PPM1E: variants seen among roughly 807,000 people sequenced by gnomAD.
The protein encoded by PPM1E is protein phosphatase 1E.
A neutral mutation model predicts 65.9 loss-of-function variants in PPM1E; 20 were observed. The ratio of observed to expected loss-of-function variants is 0.30; its 90% confidence interval spans 0.21 to 0.44. The LOEUF (loss-of-function observed/expected upper bound fraction) is 0.44. Ranked by LOEUF, PPM1E falls within the 20% of genes least tolerant of loss-of-function variation. The pLI, the probability that PPM1E is intolerant of heterozygous loss-of-function variation, is 1.00. For missense variants in PPM1E, 713 were observed against 953.1 expected (o/e 0.75, Z 3.32); for synonymous variants, 352 against 374.9 (o/e 0.94, Z 0.70).
chr17:58,850,016 C>T (rs937804404), intron 1 of PPM1E, among the ~76,000 whole-genome samples: 1 of 152,044 alleles, frequency 6.6e-6, no homozygotes, highest in Non-Finnish European at 1.5e-5. Context: ...TTGAATTGAT[C>T]CCTTTACCAT....
intron 1 of PPM1E, among the ~76,000 whole-genome samples, chr17:58,840,393 G>A (rs1436862387): frequency 6.6e-6 from 1 of 152,214 alleles, no homozygotes; most frequent in East Asian, 1.9e-4. Context: ...GGTTAACAAG[G>A]ACCTACTTTT....
chr17:58,763,749 C>T (rs2049846234), intron 1 of PPM1E, among the ~76,000 whole-genome samples: 1 of 151,986 alleles, frequency 6.6e-6, no homozygotes, highest in African/African-American at 2.4e-5. Context: ...ACTGCCATAC[C>T]GTGAAGCTTG....
At chr17:58,977,105 A>T (rs1012441643) in intron 6 of PPM1E, among the ~76,000 whole-genome samples, 1 of 152,170 alleles carries the variant, frequency 6.6e-6, no homozygotes, top group African/African-American at 2.4e-5. Context: ...GAAGTTGATT[A>T]AATCAAAAGC....
Position 58,981,394 on chromosome 17 carries a change from A to G in PPM1E, c.*363A>G, listed in dbSNP as rs1481878191. 5.7e-6 allele frequency: 1 copy of G among 174,080 alleles called. No individual in the cohort carries two copies. Among genetic ancestry groups the G allele is most frequent in the Non-Finnish European group, 1.2e-5 (1 of 82,596 alleles). 10.8% of individuals were successfully genotyped at this position (174,080 alleles called of 1,614,324 possible). A position where few individuals can be genotyped will look rare whatever the true frequency, so the allele number is the denominator to read the frequency against. ...TTCAGTCAGGATATACAGTGTTGAA[A>G]TCTCAATGCAGTTGAAATCTGGTCT... On this transcript the variant is annotated 3_prime_UTR_variant, in exon 7 of 7. Coordinates refer to ENST00000308249, the MANE Select transcript of PPM1E (RefSeq NM_014906.5).
chr17:58,973,286 G>A (rs375204616), intron 6 of PPM1E, among the ~76,000 whole-genome samples: 17 of 151,862 alleles, frequency 1.1e-4, no homozygotes, highest in Non-Finnish European at 2.1e-4. Context: ...GCGTGGTGGC[G>A]GGCGCCTGTA....
In PPM1E at chr17:58,774,167, C is replaced by G. The variant is rs189236862; in HGVS notation, c.464+17706C>G. On this transcript the variant is annotated intron_variant, in intron 1 of 6. Transcript: ENST00000308249. ...ACAAGAGGGAAACTCTGTCCCCCCC[C>G]CCCAAAAAAAACATTATAGGTAATT... Among the ~76,000 whole-genome samples the G allele has an allele frequency of 1.1e-4, 16 of 151,170 alleles. No homozygotes were observed. In the South Asian group the frequency reaches 2.7e-3, roughly 26 times the overall value.
intron 1 of PPM1E, among the ~76,000 whole-genome samples, chr17:58,760,608 A>AT (rs961015277): frequency 1.3e-5 from 2 of 152,118 alleles, no homozygotes; most frequent in Non-Finnish European, 2.9e-5. Flanking sequence ...CTGCTTAAAC[A>AT]TTTTTACCCT....
At chr17:58,914,073 C>T (rs2051658446) in intron 1 of PPM1E, among the ~76,000 whole-genome samples, 1 of 152,162 alleles carries the variant, frequency 6.6e-6, no homozygotes, top group Non-Finnish European at 1.5e-5. Flanking sequence ...AGGTTAAAAG[C>T]AAGATGGAGT....
intron 6 of PPM1E, among the ~76,000 whole-genome samples, chr17:58,974,196 G>T (rs979674704): frequency 6.6e-6 from 1 of 152,138 alleles, no homozygotes; most frequent in Non-Finnish European, 1.5e-5. Flanking sequence ...GTATTTTTCA[G>T]AGAATGGAAG....
At chr17:58,810,995 T>C (rs1057048740) in intron 1 of PPM1E, among the ~76,000 whole-genome samples, 6 of 151,998 alleles carry the variant, frequency 3.9e-5, no homozygotes, top group African/African-American at 1.2e-4. Flanking sequence ...GTAGGTGGGA[T>C]TACAGGCACG....
chr17:58,978,728 A>G (rs1469525142), intron 6 of PPM1E, among the ~76,000 whole-genome samples: 3 of 152,080 alleles, frequency 2.0e-5, no homozygotes, highest in African/African-American at 7.2e-5. Context: ...GTGAATTGAG[A>G]GTCCCTTGTT....
intron 1 of PPM1E, among the ~76,000 whole-genome samples, chr17:58,883,861 A>T (rs577196684): frequency 7.2e-5 from 11 of 151,938 alleles, no homozygotes; most frequent in Admixed American, 6.6e-4. Context: ...GGGCTTGTAG[A>T]TTTTCAGTTT....
chr17:58,836,876 C>T (rs1334820632), intron 1 of PPM1E, among the ~76,000 whole-genome samples: 1 of 149,632 alleles, frequency 6.7e-6, no homozygotes, highest in South Asian at 2.1e-4. Flanking sequence ...AAAAATTAGC[C>T]GGGCATGGTG....
intron 1 of PPM1E, among the ~76,000 whole-genome samples, chr17:58,892,873 C>T (rs781530612): frequency 2.0e-5 from 3 of 152,102 alleles, no homozygotes; most frequent in African/African-American, 2.4e-5. Context: ...TGCTCAACAT[C>T]GATATGTGTT....
At chr17:58,964,632 T>C (rs1376706449) in intron 2 of PPM1E, among the ~76,000 whole-genome samples, 1 of 152,220 alleles carries the variant, frequency 6.6e-6, no homozygotes, top group East Asian at 1.9e-4. Flanking sequence ...ATCACACGCA[T>C]AGACAGAACT....
intron 1 of PPM1E, among the ~76,000 whole-genome samples, chr17:58,837,661 C>A (rs1332600765): frequency 1.3e-5 from 2 of 151,936 alleles, no homozygotes; most frequent in Non-Finnish European, 2.9e-5. Context: ...CCACTCCCGG[C>A]CATTTTTTGT....
intron 1 of PPM1E, among the ~76,000 whole-genome samples, chr17:58,862,537 C>T (rs1029885360): frequency 1.4e-4 from 22 of 152,252 alleles, no homozygotes; most frequent in African/African-American, 5.3e-4. Flanking sequence ...TAATTCATTA[C>T]TAGAATATAC....
intron 1 of PPM1E, among the ~76,000 whole-genome samples, chr17:58,815,411 T>A (rs2050405541): frequency 6.6e-6 from 1 of 152,228 alleles, no homozygotes; most frequent in African/African-American, 2.4e-5. Context: ...CATATGGTCC[T>A]GATTTTGGTA....
intron 1 of PPM1E, among the ~76,000 whole-genome samples, chr17:58,915,001 G>T (rs2051668141): frequency 6.6e-6 from 1 of 152,142 alleles, no homozygotes; most frequent in African/African-American, 2.4e-5. Flanking sequence ...TTGTTTTGCT[G>T]CTTTTGTAAT....
Sources: gnomAD v4.1 joint callset for allele counts (sites outside exome capture counted in the v4.1 genomes callset) on GRCh38, gnomAD v4.1.1 for gene constraint, MANE v1.5 for transcripts, NCBI Gene and HGNC (gene_info 2026-07-23, HGNC 2026-07-21) for gene names.